IMPA1: variants seen among roughly 807,000 people sequenced by gnomAD.
IMPA1 encodes the protein D-galactose 1-phosphate phosphatase.
IMPA1 carries 21 observed loss-of-function variants against 34.9 expected under a neutral mutation model. That is an observed-to-expected ratio of 0.60 (90% CI 0.43 to 0.87). The LOEUF (loss-of-function observed/expected upper bound fraction) is 0.87, where lower values mean the gene tolerates loss of function less well. IMPA1 is among the 40% of genes least tolerant of loss of function. IMPA1 has a pLI of 0.00. For missense variants in IMPA1, 299 were observed against 336.4 expected, an observed-to-expected ratio of 0.89 and a Z score of 0.87; for synonymous variants, 95 against 104.4, an observed-to-expected ratio of 0.91 and a Z score of 0.55.
intron 7 of IMPA1, among the ~76,000 whole-genome samples, chr8:81,668,545 ATT>A (rs1469425682): frequency 6.6e-6 from 1 of 152,178 alleles, no homozygotes; most frequent in Non-Finnish European, 1.5e-5. Context: ...CTGAGCTATA[ATT>A]GCACCACTGC....
At chr8:81,659,734 G>A (rs569234976) in intron 8 of IMPA1, among the ~76,000 whole-genome samples, 47 of 152,146 alleles carry the variant, frequency 3.1e-4, no homozygotes, top group Admixed American at 1.2e-3. Context: ...CCTCTTTATT[G>A]TTTAAGAATC....
rs1009870906 is a variant in IMPA1 at position 81,663,916 on chromosome 8, G to A, written c.567-3249C>T. Among the ~76,000 whole-genome samples, 7 of 152,060 alleles carry A rather than the reference G, an allele frequency of 4.6e-5. 1 individual carries two copies. Among genetic ancestry groups the A allele is most frequent in the African/African-American group, 1.7e-4 (7 of 41,410 alleles). On this transcript the variant is annotated intron_variant, in intron 7 of 8. Transcript: ENST00000256108. ...TAGCCAGGCGTGGTGGCGGGCACCTGTAGTCCCAGCTACTCCAGAGACAAA... is the reference window on the plus strand; with the variant it reads ...TAGCCAGGCGTGGTGGCGGGCACCTATAGTCCCAGCTACTCCAGAGACAAA...
intron 6 of IMPA1, among the ~76,000 whole-genome samples, chr8:81,671,996 C>G (rs1479227609): frequency 6.6e-6 from 1 of 152,150 alleles, no homozygotes; most frequent in African/African-American, 2.4e-5. Context: ...TACCATATTC[C>G]TTCGGTCCAA....
chr8:81,675,772 T>A (rs532139236), intron 5 of IMPA1, among the ~76,000 whole-genome samples: 2 of 152,334 alleles, frequency 1.3e-5, no homozygotes, highest in African/African-American at 4.8e-5. Flanking sequence ...TATTTACACA[T>A]AAGACAACCT....
At chr8:81,664,041 A>T (rs998382491) in intron 7 of IMPA1, among the ~76,000 whole-genome samples, 9 of 152,196 alleles carry the variant, frequency 5.9e-5, no homozygotes. Context: ...CTCAGAAAAA[A>T]AAATAAATAC....
intron 5 of IMPA1, among the ~76,000 whole-genome samples, chr8:81,675,732 T>C (rs1016027073): frequency 6.6e-6 from 1 of 152,248 alleles, no homozygotes; most frequent in Non-Finnish European, 1.5e-5. Flanking sequence ...TATAGCTATA[T>C]GTTTTATTCT....
rs200420507 is a variant in IMPA1, at chr8:81,684,558, C to A, written c.-25+1694G>T. Among the ~76,000 whole-genome samples the A allele has an allele frequency of 2.0e-3, 189 of 96,858 alleles. 4 individuals are homozygous for A. The highest frequency in any genetic ancestry group is 9.3e-3 in the South Asian group (31 of 3,324). 63.5% of individuals were successfully genotyped at this position (96,858 alleles called of 152,430 possible). The stretch of plus-strand genomic sequence containing the variant: ...TACTACACATAAGTATCTTTAGATA[C>A]TAATGTGTAGTATATATACTACACA... On this transcript the variant is annotated intron_variant, in intron 1 of 8. Transcript: ENST00000256108.
intron 7 of IMPA1, among the ~76,000 whole-genome samples, chr8:81,668,410 C>T (rs1173154355): frequency 4.0e-5 from 6 of 151,866 alleles, no homozygotes; most frequent in Admixed American, 1.3e-4. Context: ...CACGGCGAAC[C>T]CCATTTTTAT....
chr8:81,673,785 C>T (rs868132323), intron 6 of IMPA1, 56 bp downstream of exon 6: 1 of 984,154 alleles, frequency 1.0e-6, no homozygotes. Flanking sequence ...TATTAAAAAA[C>T]AATAAAATAT....
In IMPA1 at chr8:81,658,797, AT is replaced by A. The variant is rs1427971072; in HGVS notation, c.*553del. The A allele has an allele frequency of 6.5e-6, 1 of 152,688 alleles. No homozygotes were observed. Among genetic ancestry groups the A allele is most frequent in the Non-Finnish European group, 1.5e-5 (1 of 68,146 alleles). 9.5% of individuals were successfully genotyped at this position (152,688 alleles called of 1,614,324 possible). ...GTAACTAGGAATTACTACATTAAAA[AT>A]ATTCATTCTTACAATGTTTGTTTTT... is the stretch of plus-strand genomic sequence containing the variant. On this transcript the variant is annotated 3_prime_UTR_variant, in exon 9 of 9. Coordinates refer to ENST00000256108, the MANE Select transcript of IMPA1 (RefSeq NM_005536.4).
intron 6 of IMPA1, among the ~76,000 whole-genome samples, chr8:81,673,040 A>G (rs1395182309): frequency 1.3e-5 from 2 of 152,222 alleles, no homozygotes; most frequent in Non-Finnish European, 2.9e-5. Flanking sequence ...TAATTCCTAA[A>G]TAAGACACCT....
intron 4 of IMPA1, chr8:81,678,617 G>A (rs916760377): frequency 2.2e-5 from 4 of 184,256 alleles, no homozygotes; most frequent in East Asian, 1.9e-4. Context: ...GCTTGAACCC[G>A]GGAGGTGGGG....
intron 7 of IMPA1, among the ~76,000 whole-genome samples, chr8:81,664,167 T>C (rs377429066): frequency 1.3e-4 from 20 of 152,238 alleles, no homozygotes; most frequent in African/African-American, 4.8e-4. Context: ...TTTTAATTTC[T>C]TCATTTATTA....
intron 7 of IMPA1, among the ~76,000 whole-genome samples, chr8:81,668,570 G>A (rs1239735839): frequency 6.6e-6 from 1 of 152,102 alleles, no homozygotes; most frequent in African/African-American, 2.4e-5. Flanking sequence ...TCCAGCCTGG[G>A]CAAGAGAGTG....
intron 1 of IMPA1, among the ~76,000 whole-genome samples, chr8:81,683,351 C>T (rs1453307550): frequency 6.6e-6 from 1 of 152,154 alleles, no homozygotes; most frequent in Non-Finnish European, 1.5e-5. Context: ...GATTTACATT[C>T]AGGATGCAGT....
chr8:81,677,409 C>G (rs1807162651), intron 4 of IMPA1, among the ~76,000 whole-genome samples: 1 of 152,064 alleles, frequency 6.6e-6, no homozygotes, highest in Non-Finnish European at 1.5e-5. Context: ...ATGTTTTTTT[C>G]CTATGTCCTA....
intron 7 of IMPA1, among the ~76,000 whole-genome samples, 177 bp from the exon 8 acceptor site, chr8:81,660,844 G>A (rs969094512): frequency 2.0e-4 from 31 of 151,906 alleles, no homozygotes; most frequent in African/African-American, 6.5e-4. Context: ...AATTATCATC[G>A]TATATTATAT....
chr8:81,669,240 A>G (rs1806920976), intron 7 of IMPA1, among the ~76,000 whole-genome samples: 1 of 152,134 alleles, frequency 6.6e-6, no homozygotes, highest in African/African-American at 2.4e-5. Flanking sequence ...GTAATGCCTA[A>G]CTAGTGGAGC....
intron 5 of IMPA1, among the ~76,000 whole-genome samples, chr8:81,675,098 C>T (rs910242042): frequency 1.3e-5 from 2 of 152,218 alleles, no homozygotes; most frequent in Non-Finnish European, 2.9e-5. Flanking sequence ...GGACTGGCCA[C>T]AGTGCCTCAC....
Sources: gnomAD v4.1 joint callset for allele counts (sites outside exome capture counted in the v4.1 genomes callset) on GRCh38, gnomAD v4.1.1 for gene constraint, MANE v1.5 for transcripts, NCBI Gene and HGNC (gene_info 2026-07-23, HGNC 2026-07-21) for gene names.